TRIO: variants seen among roughly 807,000 people sequenced by gnomAD.
TRIO encodes triple functional domain protein.
TRIO carries 58 observed loss-of-function variants against 351.9 expected under a neutral mutation model. The observed-to-expected ratio is 0.16, with a 90% CI of 0.13 to 0.21. TRIO has a LOEUF of 0.21. Among genes scored for constraint, TRIO ranks in the 10% least tolerant of loss-of-function variants. The pLI is 1.00. For missense variants in TRIO, 3,201 were observed against 4,027.8 expected, an observed-to-expected ratio of 0.79 and a Z score of 5.56; for synonymous variants, 1,758 against 1,595.7, an observed-to-expected ratio of 1.10 and a Z score of -2.42.
intron 11 of TRIO, among the ~76,000 whole-genome samples, chr5:14,354,566 C>G (rs1051657271): frequency 6.6e-6 from 1 of 152,162 alleles, no homozygotes; most frequent in Non-Finnish European, 1.5e-5. Flanking sequence ...ACATTTCTTC[C>G]AATTTGATTG....
chr5:14,455,396 T>A (rs1437021771), intron 34 of TRIO, among the ~76,000 whole-genome samples: 2 of 152,080 alleles, frequency 1.3e-5, no homozygotes, highest in Non-Finnish European at 2.9e-5. Flanking sequence ...GTAAAAGTTC[T>A]CCAAGTCCCC....
intron 8 of TRIO, among the ~76,000 whole-genome samples, chr5:14,312,870 A>G (rs1441509767): frequency 6.6e-6 from 1 of 152,176 alleles, no homozygotes; most frequent in Non-Finnish European, 1.5e-5. Flanking sequence ...TCTCTATACA[A>G]CAGAACAGCA....
intron 53 of TRIO, chr5:14,498,877 T>G (rs1170577660): frequency 1.7e-5 from 8 of 459,400 alleles, no homozygotes; most frequent in Non-Finnish European, 2.9e-5. Flanking sequence ...CTCCTGTTGC[T>G]GGGAGGAGGA....
rs187002490 is a variant in TRIO, at chr5:14,220,327, C to A, written c.158-50498C>A. On this transcript the variant is annotated intron_variant, in intron 1 of 56. Transcript: ENST00000344204. ...GTAAGTGTGTGTGTTCTGACTGCTC[C>A]ATTGACCAGCTGTTACCCCGCCTCT... is the stretch of plus-strand genomic sequence containing the variant. Among the ~76,000 whole-genome samples the A allele has an allele frequency of 5.9e-5, 9 of 152,266 alleles. No homozygotes were observed. The East Asian group carries it at 1.7e-3, about 29-fold the overall frequency.
intron 19 of TRIO, 119 bp downstream of exon 19, chr5:14,374,462 T>TTAACATGAAAC: frequency 3.2e-6 from 2 of 631,184 alleles, no homozygotes; most frequent in Non-Finnish European, 5.3e-6. Context: ...GTCCGTTTCA[T>TTAACATGAAAC]GTTAATGAAG....
At chr5:14,376,636 C>G (rs891020702) in intron 19 of TRIO, among the ~76,000 whole-genome samples, 1 of 152,184 alleles carries the variant, frequency 6.6e-6, no homozygotes, top group African/African-American at 2.4e-5. Context: ...GTTAATTTGA[C>G]CTGTCTCTCA....
intron 7 of TRIO, among the ~76,000 whole-genome samples, chr5:14,302,014 C>T (rs1412297768): frequency 6.6e-6 from 1 of 152,208 alleles, no homozygotes; most frequent in African/African-American, 2.4e-5. Context: ...TCATGTAGCA[C>T]ACCATCCTTC....
chr5:14,151,026 C>G (rs1198061253), intron 1 of TRIO, among the ~76,000 whole-genome samples: 1 of 152,148 alleles, frequency 6.6e-6, no homozygotes, highest in Non-Finnish European at 1.5e-5. Flanking sequence ...GTGCTGCTGT[C>G]CAGATCGAAG....
chr5:14,365,371 G>A (rs891252491), intron 15 of TRIO, among the ~76,000 whole-genome samples: 1 of 152,174 alleles, frequency 6.6e-6, no homozygotes, highest in African/African-American at 2.4e-5. Context: ...AGCTTATGGT[G>A]CCCTGAAAGA....
intron 31 of TRIO, among the ~76,000 whole-genome samples, chr5:14,403,549 T>TG (rs1748377132): frequency 3.2e-4 from 6 of 18,600 alleles, no homozygotes; most frequent in African/African-American, 1.4e-3. Flanking sequence ...GGGTGCAGGT[T>TG]GTGAGGGTGC....
chr5:14,249,931 A>G (rs1336549284), intron 1 of TRIO, among the ~76,000 whole-genome samples: 2 of 152,178 alleles, frequency 1.3e-5, no homozygotes, highest in Non-Finnish European at 2.9e-5. Context: ...AAGTTCATAA[A>G]AAGACCAATT....
intron 46 of TRIO, 89 bp downstream of exon 46, chr5:14,482,862 G>C: frequency 8.2e-7 from 1 of 1,225,486 alleles, no homozygotes; most frequent in Non-Finnish European, 1.1e-6. Flanking sequence ...GACATACCCT[G>C]ATGCTTCGTT....
chr5:14,163,293 A>T (rs1451014490), intron 1 of TRIO, among the ~76,000 whole-genome samples: 1 of 152,108 alleles, frequency 6.6e-6, no homozygotes, highest in Non-Finnish European at 1.5e-5. Flanking sequence ...TTCCTGTGTT[A>T]GTTTGCCAAG....
chr5:14,311,163 G>A (rs394691), intron 8 of TRIO, among the ~76,000 whole-genome samples: 7,715 of 152,264 alleles, frequency 0.051, 675 homozygotes, highest in African/African-American at 0.18. Flanking sequence ...TATAAGAGCA[G>A]CAAAAGTAGA....
At chr5:14,489,160 T>G (rs1756287322) in intron 48 of TRIO, 3 of 608,066 alleles carry the variant, frequency 4.9e-6, no homozygotes, top group South Asian at 2.1e-5. Flanking sequence ...TGTCTCTCTT[T>G]ATATTAAAAA....
intron 34 of TRIO, among the ~76,000 whole-genome samples, chr5:14,440,128 C>T (rs1398570481): frequency 6.6e-6 from 1 of 151,998 alleles, no homozygotes; most frequent in Non-Finnish European, 1.5e-5. Context: ...TTTATACTGT[C>T]AAGTTAGATA....
intron 33 of TRIO, among the ~76,000 whole-genome samples, chr5:14,411,266 CCT>C (rs1409942789): frequency 2.0e-5 from 3 of 152,116 alleles, no homozygotes; most frequent in Non-Finnish European, 4.4e-5. Flanking sequence ...AAATTTTTTC[CCT>C]GTCTCTTCCT....
At chr5:14,372,714 T>C (rs184939879) in intron 18 of TRIO, among the ~76,000 whole-genome samples, 58 of 152,260 alleles carry the variant, frequency 3.8e-4, no homozygotes, top group African/African-American at 1.3e-3. Context: ...GATTTAAATA[T>C]ATTTGGTGTG....
chr5:14,393,027 A>T (rs1239943958), intron 27 of TRIO, among the ~76,000 whole-genome samples: 2 of 151,562 alleles, frequency 1.3e-5, no homozygotes, highest in Non-Finnish European at 2.9e-5. Flanking sequence ...AGTCTGGGCG[A>T]CAGAGCGAGA....
Sources: gnomAD v4.1 joint callset for allele counts (sites outside exome capture counted in the v4.1 genomes callset) on GRCh38, gnomAD v4.1.1 for gene constraint, MANE v1.5 for transcripts, NCBI Gene and HGNC (gene_info 2026-07-23, HGNC 2026-07-21) for gene names.